Variants in AMZ2 observed in about 807,000 individuals in gnomAD.
AMZ2 encodes archaelysin family metallopeptidase 2, also known as archaemetzincin-2.
A neutral mutation model predicts 36.7 loss-of-function variants in AMZ2; 26 were observed. The ratio of observed to expected loss-of-function variants is 0.71; its 90% confidence interval spans 0.52 to 0.98. The LOEUF (loss-of-function observed/expected upper bound fraction) is 0.98, where lower values mean the gene tolerates loss of function less well. Ranked by LOEUF, AMZ2 falls within the 50% of genes least tolerant of loss-of-function variation. AMZ2 has a pLI of 0.00. For synonymous variants in AMZ2, 144 were observed against 149.1 expected, an observed-to-expected ratio of 0.97 and a Z score of 0.25; for missense variants, 394 against 430.5, an observed-to-expected ratio of 0.92 and a Z score of 0.75.
intron 1 of AMZ2, among the ~76,000 whole-genome samples, chr17:68,238,228 T>C (rs1465596807): frequency 6.6e-6 from 1 of 152,104 alleles, no homozygotes; most frequent in African/African-American, 2.4e-5. Context: ...TTTTTTTAAA[T>C]AGAAATCAGA....
chr17:68,221,209 T>TCC (rs55937321), intron 1 of AMZ2, among the ~76,000 whole-genome samples: 1,878 of 66,736 alleles, frequency 0.028, 193 homozygotes, highest in African/African-American at 0.075. Flanking sequence ...AGCCCTCAGC[T>TCC]CCCCCCCCCG....
Position 68,248,517 on chromosome 17 carries a change from C to T in AMZ2, c.-189C>T. The T allele has an allele frequency of 1.0e-6, 1 of 986,136 alleles. No homozygotes were observed. Among genetic ancestry groups the T allele is most frequent in the Non-Finnish European group, 1.2e-6 (1 of 830,068 alleles). 61.1% of individuals were successfully genotyped at this position (986,136 alleles called of 1,614,324 possible). A position where few individuals can be genotyped will look rare whatever the true frequency, so the allele number is the denominator to read the frequency against. On this transcript the variant is annotated 5_prime_UTR_variant, in exon 1 of 7. Transcript: ENST00000359904. Reference sequence around the variant, plus strand: ...CCACTGCAGTGACCGAATTCTGCGCCCCCTGCCCATCTTCTCCCGCAGCTT... The same window carrying T: ...CCACTGCAGTGACCGAATTCTGCGCTCCCTGCCCATCTTCTCCCGCAGCTT...
chr17:68,242,753 A>AG (rs1259013802), intron 1 of AMZ2, among the ~76,000 whole-genome samples: 1 of 152,102 alleles, frequency 6.6e-6, no homozygotes, highest in African/African-American at 2.4e-5. Context: ...TACAATGTAT[A>AG]GGCCAGGCAG....
intron 1 of AMZ2, among the ~76,000 whole-genome samples, chr17:68,211,298 C>G (rs1334280774): frequency 1.3e-5 from 2 of 151,868 alleles, no homozygotes; most frequent in African/African-American, 2.4e-5. Flanking sequence ...GTCAGGAGAT[C>G]GAGACCATCC....
At chr17:68,229,577 A>G (rs1555730725) in intron 1 of AMZ2, among the ~76,000 whole-genome samples, 1 of 152,234 alleles carries the variant, frequency 6.6e-6, no homozygotes, top group African/African-American at 2.4e-5. Flanking sequence ...CTTAAAAACA[A>G]CCAAAATGCT....
In AMZ2 at chr17:68,209,628, A is replaced by ATTTTTTTTTTTTT. The variant is rs1322446681; in HGVS notation, c.-67+3391_-67+3392insTTTTTTTTTTTTT. On this transcript the variant is annotated intron_variant, in intron 1 of 7. Transcript: ENST00000674770. ...TGTATATGTATATATATATATATAT[A>ATTTTTTTTTTTTT]TATATTTTTTTTTTTTTTTATACAG... Among the ~76,000 whole-genome samples the ATTTTTTTTTTTTT allele has an allele frequency of 1.9e-3, 190 of 98,402 alleles. 1 individual carries two copies. The highest frequency in any genetic ancestry group is 8.9e-3 in the African/African-American group (178 of 19,966). 64.6% of individuals were successfully genotyped at this position (98,402 alleles called of 152,430 possible). A position where few individuals can be genotyped will look rare whatever the true frequency, so the allele number is the denominator to read the frequency against.
At chr17:68,248,005 G>T (rs1479391303), upstream of AMZ2, 9 of 985,996 alleles carry the variant, frequency 9.1e-6, no homozygotes, top group African/African-American at 1.7e-5. Context: ...GCGGCGCGTG[G>T]CGTAAGGGGC....
At chr17:68,246,968 G>C (rs1555735752), upstream of AMZ2, 1 of 149,700 alleles carries the variant, frequency 6.7e-6, no homozygotes. Context: ...GTGGGAGACC[G>C]GGGTGCGGGG....
At chr17:68,239,381 C>A (rs1351236021) in intron 1 of AMZ2, among the ~76,000 whole-genome samples, 2 of 152,178 alleles carry the variant, frequency 1.3e-5, no homozygotes, top group South Asian at 4.1e-4. Flanking sequence ...ACCAATCAGA[C>A]TTCCATTTCC....
At chr17:68,252,768 C>T (rs2074580430) in intron 4 of AMZ2, among the ~76,000 whole-genome samples, 1 of 152,098 alleles carries the variant, frequency 6.6e-6, no homozygotes, top group African/African-American at 2.4e-5. Context: ...AAGCGAGCCT[C>T]CCATCTCAGC....
chr17:68,236,429 T>C (rs1274921902), intron 1 of AMZ2, among the ~76,000 whole-genome samples: 3 of 151,956 alleles, frequency 2.0e-5, no homozygotes, highest in Non-Finnish European at 4.4e-5. Flanking sequence ...TTACATAATT[T>C]TTTCAAGGTA....
intron 1 of AMZ2, among the ~76,000 whole-genome samples, chr17:68,239,668 TA>T (rs1555733593): frequency 6.6e-6 from 1 of 152,154 alleles, no homozygotes; most frequent in Non-Finnish European, 1.5e-5. Flanking sequence ...GAAACGATCC[TA>T]CTCTGGAAAA....
chr17:68,253,999 C>T (rs2074701913), intron 4 of AMZ2, among the ~76,000 whole-genome samples: 1 of 152,128 alleles, frequency 6.6e-6, no homozygotes, highest in Non-Finnish European at 1.5e-5. Flanking sequence ...CCTGCCTCGG[C>T]CTCCCAAAGT....
At chr17:68,225,465 A>G (rs1447993331) in intron 1 of AMZ2, among the ~76,000 whole-genome samples, 2 of 152,064 alleles carry the variant, frequency 1.3e-5, no homozygotes, top group African/African-American at 4.8e-5. Flanking sequence ...GCTCTCCTCT[A>G]TTTTTACTAT....
At position 68,210,547 on chromosome 17, in the gene AMZ2, T is replaced by G. The variant is rs535229994; in HGVS notation, c.-67+4309T>G. On this transcript the variant is annotated intron_variant, in intron 1 of 7. Coordinates refer to the AMZ2 transcript ENST00000674770. Reference sequence around the variant, plus strand: ...CTGGGAGAAGGAGAGAATGGGGAGTTAGTGCTTAATAGGTACGAGTTTCCA... The same window carrying G: ...CTGGGAGAAGGAGAGAATGGGGAGTGAGTGCTTAATAGGTACGAGTTTCCA... Among the ~76,000 whole-genome samples the G allele has an allele frequency of 2.0e-5, 3 of 152,288 alleles. No homozygotes were observed. In the East Asian group the frequency reaches 5.8e-4, roughly 29 times the overall value.
chr17:68,221,794 T>G (rs1325759149), intron 1 of AMZ2, among the ~76,000 whole-genome samples: 1 of 151,932 alleles, frequency 6.6e-6, no homozygotes, highest in Non-Finnish European at 1.5e-5. Context: ...CTCAGGTGGC[T>G]GAGGCAGGAG....
chr17:68,211,688 ATG>A (rs1555725948), intron 1 of AMZ2, among the ~76,000 whole-genome samples: 1,310 of 128,620 alleles, frequency 0.01, 22 homozygotes, highest in Non-Finnish European at 0.017. Context: ...ACATATGTAT[ATG>A]TATATATATG....
At chr17:68,239,651 CAGTT>C (rs1555733589) in intron 1 of AMZ2, among the ~76,000 whole-genome samples, 3 of 152,118 alleles carry the variant, frequency 2.0e-5, no homozygotes, top group African/African-American at 7.2e-5. Context: ...CACTGGCAGT[CAGTT>C]AGGAAACGAT....
chr17:68,255,763 A>G lies in AMZ2; in HGVS notation c.814A>G (p.Met272Val). The G allele has an allele frequency of 6.2e-7, 1 of 1,614,186 alleles. No homozygotes were observed. The highest frequency in any genetic ancestry group is 1.1e-5 in the South Asian group (1 of 91,090). ...LRHCQWLACL[M>V]QGSNHLEEAD... ...ACACTGCCAGTGGCTTGCATGCCTCATGCAAGGCTCCAACCACTTGGAAGA... is the reference window on the plus strand; with the variant it reads ...ACACTGCCAGTGGCTTGCATGCCTCGTGCAAGGCTCCAACCACTTGGAAGA... Residue 272 changes from methionine to valine, a missense_variant, in exon 6 of 7, where the codon ATG (methionine) becomes GTG (valine). Met to Val is a conservative substitution (Grantham distance 21, BLOSUM62 1). Coordinates refer to ENST00000359904, the MANE Select transcript of AMZ2 (RefSeq NM_016627.5).
Sources: allele counts gnomAD v4.1 joint callset (sites outside exome capture counted in the v4.1 genomes callset), GRCh38; gene constraint gnomAD v4.1.1; transcripts MANE v1.5; gene names NCBI Gene and HGNC (gene_info 2026-07-23, HGNC 2026-07-21).